Variants in TMX3 observed in about 807,000 individuals in gnomAD.
TMX3 encodes thioredoxin related transmembrane protein 3.
In TMX3, 40 loss-of-function variants were observed where a neutral mutation model predicts 64.4. That is an observed-to-expected ratio of 0.62 (90% CI 0.48 to 0.81). TMX3 has a LOEUF of 0.81. Ranked by LOEUF, TMX3 falls within the 30% of genes least tolerant of loss-of-function variation. TMX3 has a pLI of 0.00. For missense variants in TMX3, 497 were observed against 534.5 expected (o/e 0.93, Z 0.69); for synonymous variants, 189 against 175.7 (o/e 1.08, Z -0.60).
chr18:68,698,208 T>C (rs1317730069), intron 6 of TMX3, among the ~76,000 whole-genome samples, 177 bp from the exon 7 acceptor site: 3 of 152,208 alleles, frequency 2.0e-5, no homozygotes, highest in Admixed American at 6.5e-5. Context: ...ATGACTACTA[T>C]TGCACATACA....
At chr18:68,711,310 T>G in intron 3 of TMX3, 54 bp downstream of exon 3, 1 of 1,404,144 alleles carries the variant, frequency 7.1e-7, no homozygotes, top group South Asian at 1.3e-5. Context: ...GAATAGAAAA[T>G]AATACTTAAA....
At position 68,677,513 on chromosome 18, in the gene TMX3, T is replaced by G. The variant is rs796867129; in HGVS notation, c.1105-320A>C. Among the ~76,000 whole-genome samples, 13 of 152,280 alleles carry G rather than the reference T, an allele frequency of 8.5e-5. No homozygotes were observed. In the South Asian group the frequency reaches 2.7e-3, roughly 32 times the overall value. Reference sequence around the variant, plus strand: ...AGGTCTCTTTAAGGTGCTTACTATGTGCGCCCAGCAGCTTTAGAGTTGCTT... The same window carrying G: ...AGGTCTCTTTAAGGTGCTTACTATGGGCGCCCAGCAGCTTTAGAGTTGCTT... On this transcript the variant is annotated intron_variant, in intron 15 of 15. Transcript: ENST00000299608.
At chr18:68,705,737 A>G (rs114424946) in intron 4 of TMX3, among the ~76,000 whole-genome samples, 1,681 of 152,328 alleles carry the variant, frequency 0.011, 37 homozygotes, top group African/African-American at 0.038. Flanking sequence ...CATAATTTTT[A>G]TATTATTTGG....
At chr18:68,697,504 T>C in intron 7 of TMX3, 1 of 405,918 alleles carries the variant, frequency 2.5e-6, no homozygotes, top group Admixed American at 4.1e-5. Flanking sequence ...AGAGCTTTTA[T>C]CTTTCTGCAA....
chr18:68,680,895 T>G (rs1340565907), intron 14 of TMX3, 86 bp downstream of exon 14: 1 of 1,351,170 alleles, frequency 7.4e-7, no homozygotes, highest in East Asian at 2.6e-5. Context: ...CCAACTATTC[T>G]TTTCAGAATC....
Position 68,674,576 on chromosome 18 carries a change from A to G in TMX3, c.*2357T>C, listed in dbSNP as rs1912778039. The G allele has an allele frequency of 6.6e-6, 1 of 152,118 alleles. No individual in the cohort carries two copies. The allele number at this position is 152,118 out of a possible 1,614,324, so 9.4% of individuals were successfully genotyped here. On this transcript the variant is annotated 3_prime_UTR_variant, in exon 16 of 16. Transcript: ENST00000299608. ...GTTCTTCCACTAGATTCACTTATTA[A>G]GAGATCTGTCTTTATATGGAAGTAA...
rs898028823 is a variant in TMX3, at chr18:68,679,358, A to G, written c.1104+105T>C. 8 of 809,018 alleles carry G rather than the reference A, an allele frequency of 9.9e-6. No individual in the cohort carries two copies. In the African/African-American group the frequency reaches 1.1e-4, roughly 11 times the overall value. 50.1% of individuals were successfully genotyped at this position (809,018 alleles called of 1,614,324 possible). A position where few individuals can be genotyped will look rare whatever the true frequency, so the allele number is the denominator to read the frequency against. ...ACTAGTCATATCCTGCAAATTAAAA[A>G]GACATATTTTGACCTAATCTTTTCA... On this transcript the variant is annotated intron_variant, in intron 15 of 15. Transcript: ENST00000299608.
intron 8 of TMX3, among the ~76,000 whole-genome samples, chr18:68,695,424 C>T (rs911575916): frequency 3.9e-5 from 6 of 152,158 alleles, no homozygotes; most frequent in Non-Finnish European, 7.3e-5. Flanking sequence ...CTCTAGACCC[C>T]TATGTCCAAC....
chr18:68,714,807 C>A (rs1371604981), intron 1 of TMX3, 129 bp downstream of exon 1: 1 of 1,293,662 alleles, frequency 7.7e-7, no homozygotes, highest in African/African-American at 1.6e-5. Context: ...CGGCAGGACG[C>A]TGCCGGGAAT....
At chr18:68,708,209 C>T (rs1479999236) in intron 4 of TMX3, among the ~76,000 whole-genome samples, 1 of 151,772 alleles carries the variant, frequency 6.6e-6, no homozygotes, top group African/African-American at 2.4e-5. Context: ...TATTATTCTC[C>T]CTCTCTAACA....
At chr18:68,699,861 T>C (rs1258743359) in intron 6 of TMX3, among the ~76,000 whole-genome samples, 1 of 152,158 alleles carries the variant, frequency 6.6e-6, no homozygotes, top group Non-Finnish European at 1.5e-5. Flanking sequence ...AACAGATCCT[T>C]TGGGTTTTAA....
At position 68,711,215 on chromosome 18, in the gene TMX3, A is replaced by C. The variant is rs546453212; in HGVS notation, c.141+149T>G. ...AAACTCTAAGGTTCTTTTTAATGTA[A>C]AATCTCAAATATAGTAATACTTAAG... is the stretch of plus-strand genomic sequence containing the variant. On this transcript the variant is annotated intron_variant, in intron 3 of 15. Coordinates refer to ENST00000299608, the MANE Select transcript of TMX3 (RefSeq NM_019022.5). 4.5e-5 allele frequency: 21 copies of C among 469,176 alleles called. 1 individual carries two copies. The South Asian group carries it at 1.2e-3, about 26-fold the overall frequency. 29.1% of individuals were successfully genotyped at this position (469,176 alleles called of 1,614,324 possible).
chr18:68,713,772 A>C, intron 2 of TMX3, 74 bp downstream of exon 2: 1 of 743,564 alleles, frequency 1.3e-6, no homozygotes, highest in Non-Finnish European at 2.0e-6. Context: ...AAAATATTAG[A>C]ATCACATGCA....
intron 8 of TMX3, among the ~76,000 whole-genome samples, chr18:68,694,183 A>C (rs1165232938): frequency 6.6e-6 from 1 of 152,122 alleles, no homozygotes; most frequent in Non-Finnish European, 1.5e-5. Flanking sequence ...CCCCCCAGTC[A>C]CCATGTTGCA....
chr18:68,684,315 G>A (rs1866840019), intron 11 of TMX3, 72 bp from the exon 12 acceptor site: 1 of 1,482,094 alleles, frequency 6.7e-7, no homozygotes, highest in Non-Finnish European at 9.4e-7. Flanking sequence ...GATAGTATCT[G>A]CTGTCTTACA....
At chr18:68,685,745 A>C (rs1913888051) in intron 10 of TMX3, among the ~76,000 whole-genome samples, 1 of 152,242 alleles carries the variant, frequency 6.6e-6, no homozygotes. Context: ...ATTTTCATCA[A>C]ATAAATGTCC....
At chr18:68,681,941 T>A (rs1312052925) in intron 13 of TMX3, among the ~76,000 whole-genome samples, 1 of 152,212 alleles carries the variant, frequency 6.6e-6, no homozygotes, top group Non-Finnish European at 1.5e-5. Context: ...TGAAATACTA[T>A]CCCTGTGTTC....
At chr18:68,702,112 AG>A (rs1353095155) in intron 4 of TMX3, among the ~76,000 whole-genome samples, 1 of 144,618 alleles carries the variant, frequency 6.9e-6, no homozygotes. Context: ...AAAATACGTA[AG>A]TACTTCTCAT....
chr18:68,699,049 G>A (rs557426719), intron 6 of TMX3, among the ~76,000 whole-genome samples: 2 of 151,378 alleles, frequency 1.3e-5, no homozygotes, highest in Admixed American at 6.6e-5. Flanking sequence ...AAACTAAGAA[G>A]AGGTAGTCAT....
Sources: gnomAD v4.1 joint callset for allele counts (sites outside exome capture counted in the v4.1 genomes callset) on GRCh38, gnomAD v4.1.1 for gene constraint, MANE v1.5 for transcripts, NCBI Gene and HGNC (gene_info 2026-07-23, HGNC 2026-07-21) for gene names.